PEX10: variants seen among roughly 807,000 people sequenced by gnomAD.
The protein encoded by PEX10 is peroxisome biogenesis factor 10.
In PEX10, 32 loss-of-function variants were observed where a neutral mutation model predicts 38.0. That is an observed-to-expected ratio of 0.84 (90% CI 0.63 to 1.13). The LOEUF (loss-of-function observed/expected upper bound fraction) is 1.13, where lower values mean the gene tolerates loss of function less well. PEX10 is among the 50% of genes most tolerant of loss of function. The pLI, the probability that PEX10 is intolerant of heterozygous loss-of-function variation, is 0.00. For synonymous variants in PEX10, 206 were observed against 207.3 expected (o/e 0.99, Z 0.05); for missense variants, 483 against 457.7 (o/e 1.06, Z -0.51).
At position 2,408,577 on chromosome 1, in the gene PEX10, C is replaced by G. The variant is rs1410364443; in HGVS notation, c.475G>C (p.Ala159Pro). 5 of 1,611,946 alleles carry G rather than the reference C, an allele frequency of 3.1e-6. No individual in the cohort carries two copies. The highest frequency in any genetic ancestry group is 4.2e-6 in the Non-Finnish European group (5 of 1,179,962). The change falls in exon 3 of 6, where the codon GCG becomes CCG. Residue 159 changes from alanine to proline, a missense_variant. Coordinates refer to ENST00000447513, the MANE Select transcript of PEX10 (RefSeq NM_002617.4). Reference protein sequence around the residue: ...TATLTEQQRRALLRAVFVLRQ... With the variant: ...TATLTEQQRRPLLRAVFVLRQ... The stretch of plus-strand genomic sequence containing the variant: ...AGGACGAAGACCGCCCGCAGCAGCG[C>G]CCTCCTCTGCTGCTCAGTCAGGGTG...
chr1:2,409,443 T>G lies in PEX10; in HGVS notation c.194-585A>C, dbSNP rs1230831476. 6.6e-6 allele frequency among the ~76,000 whole-genome samples: 1 copy of G among 151,614 alleles called. No homozygotes were observed. The highest frequency in any genetic ancestry group is 1.5e-5 in the Non-Finnish European group (1 of 67,924). ...AACGCCAGGCCTCCGGTTCCTGAGG[T>G]CAAGCCCAAGGGGCACCCTGCATGC... On this transcript the variant is annotated intron_variant, in intron 2 of 5. Coordinates refer to ENST00000447513, the MANE Select transcript of PEX10 (RefSeq NM_002617.4). This position sits in a 1 kb window ranked among gnomAD's most constrained non-coding sequence, Gnocchi z 6.2.
intron 5 of PEX10, 121 bp downstream of exon 5, chr1:2,406,363 C>A (rs867980042): frequency 7.3e-7 from 1 of 1,362,450 alleles, no homozygotes; most frequent in Non-Finnish European, 1.0e-6. Flanking sequence ...AAGATGCCCA[C>A]CTCTGTACCC....
intron 3 of PEX10, among the ~76,000 whole-genome samples, chr1:2,407,619 G>A (rs1384745528): frequency 6.6e-6 from 1 of 152,206 alleles, no homozygotes; most frequent in Non-Finnish European, 1.5e-5. Context: ...GACGGGGCAA[G>A]AAACCACATC....
Position 2,405,606 on chromosome 1 carries a change from A to C in PEX10, c.*160T>G, listed in dbSNP as rs1312684856. Reference sequence around the variant, plus strand: ...GGGCTGAGAAAGCGCAGCCAGGGACAGCTTTCTGTTCTCTCCCAGGGTGGC... The same window carrying C: ...GGGCTGAGAAAGCGCAGCCAGGGACCGCTTTCTGTTCTCTCCCAGGGTGGC... On this transcript the variant is annotated 3_prime_UTR_variant, in exon 6 of 6. Coordinates refer to ENST00000447513, the MANE Select transcript of PEX10 (RefSeq NM_002617.4). 1.3e-6 allele frequency: 1 copy of C among 750,386 alleles called. No individual in the cohort carries two copies. Among genetic ancestry groups the C allele is most frequent in the Non-Finnish European group, 2.3e-6 (1 of 429,600 alleles). 46.5% of individuals were successfully genotyped at this position (750,386 alleles called of 1,614,324 possible). A position where few individuals can be genotyped will look rare whatever the true frequency, so the allele number is the denominator to read the frequency against.
At position 2,405,837 on chromosome 1, in the gene PEX10, G is replaced by A. The variant is rs777570617; in HGVS notation, c.913-3C>T. Reference sequence around the variant, plus strand: ...TCCCGGCAGAGGGGACACTCCGCCTGCGGAGAGGAGAAAGGGGGTCACAGC... The same window carrying A: ...TCCCGGCAGAGGGGACACTCCGCCTACGGAGAGGAGAAAGGGGGTCACAGC... On this transcript the variant is annotated splice_polypyrimidine_tract_variant and splice_region_variant and intron_variant, in intron 5 of 5. Coordinates refer to ENST00000447513, the MANE Select transcript of PEX10 (RefSeq NM_002617.4). The A allele has an allele frequency of 6.3e-6, 10 of 1,589,264 alleles. No homozygotes were observed. Among genetic ancestry groups the A allele is most frequent in the Middle Eastern group, 1.7e-4 (1 of 5,996 alleles).
At chr1:2,411,821 G>A (rs1350941145) in intron 1 of PEX10, among the ~76,000 whole-genome samples, 1 of 152,216 alleles carries the variant, frequency 6.6e-6, no homozygotes, top group Non-Finnish European at 1.5e-5. Flanking sequence ...GACAGGTGCT[G>A]CTTCATTGAG....
upstream of PEX10, chr1:2,412,584 T>A (rs987056109): frequency 9.2e-7 from 1 of 1,082,420 alleles, no homozygotes. Flanking sequence ...CGGCACGACG[T>A]GGCTCTGCGT....
intron 1 of PEX10, among the ~76,000 whole-genome samples, chr1:2,412,158 C>A (rs1209325401): frequency 6.6e-6 from 1 of 152,256 alleles, no homozygotes; most frequent in African/African-American, 2.4e-5. Context: ...GAGGCCCACG[C>A]AGGTCCCCCG....
At chr1:2,411,963 C>T (rs1317939749) in intron 1 of PEX10, among the ~76,000 whole-genome samples, 1 of 152,238 alleles carries the variant, frequency 6.6e-6, no homozygotes, top group Non-Finnish European at 1.5e-5. Context: ...CAGTGTGAAC[C>T]GGACCGAGGT....
chr1:2,406,427 G>C lies in PEX10; in HGVS notation c.912+57C>G, dbSNP rs549332290. On this transcript the variant is annotated intron_variant, in intron 5 of 5. Transcript: ENST00000447513. ...CTCCCCACTTCTGCTGCAGCCAGGTGCATCTTGCCGGCACAGCCGCTGACC... is the reference window on the plus strand; with the variant it reads ...CTCCCCACTTCTGCTGCAGCCAGGTCCATCTTGCCGGCACAGCCGCTGACC... 49 of 1,599,738 alleles carry C rather than the reference G, an allele frequency of 3.1e-5. No individual in the cohort carries two copies. The African/African-American group carries it at 6.4e-4, about 21-fold the overall frequency.
chr1:2,408,386 C>T (rs1643076756), intron 3 of PEX10, 66 bp downstream of exon 3: 1 of 1,565,146 alleles, frequency 6.4e-7, no homozygotes, highest in African/African-American at 1.4e-5. Context: ...TCTGTGCATG[C>T]ACCCAAGTCC....
In PEX10 at chr1:2,405,756, G is replaced by C; in HGVS notation, c.*10C>G. 1 of 1,595,940 alleles carries C rather than the reference G, an allele frequency of 6.3e-7. No homozygotes were observed. Among genetic ancestry groups the C allele is most frequent in the Non-Finnish European group, 8.5e-7 (1 of 1,171,830 alleles). The stretch of plus-strand genomic sequence containing the variant: ...AGGTCATCTGTGTCCAGGCCCACCC[G>C]GGCGCCGGCTCAGCGGTAGTGCCGA... On this transcript the variant is annotated 3_prime_UTR_variant, in exon 6 of 6. Transcript: ENST00000447513.
At chr1:2,406,284 A>G (rs1642999573) in intron 5 of PEX10, among the ~76,000 whole-genome samples, 200 bp downstream of exon 5, 1 of 152,164 alleles carries the variant, frequency 6.6e-6, no homozygotes, top group South Asian at 2.1e-4. Flanking sequence ...GCAAAGCCTC[A>G]ATACACGTGA....
chr1:2,406,399 A>G, intron 5 of PEX10, 85 bp downstream of exon 5: 1 of 1,564,960 alleles, frequency 6.4e-7, no homozygotes. Flanking sequence ...GCTCAGAGCC[A>G]GACTCCCCAC....
chr1:2,412,762 G>A (rs1046183720), upstream of PEX10, among the ~76,000 whole-genome samples: 28 of 151,964 alleles, frequency 1.8e-4, no homozygotes, highest in East Asian at 5.0e-3. Flanking sequence ...GGCGGGGCCC[G>A]CGAGCCGAGG....
chr1:2,412,577 C>G (rs1188865132), upstream of PEX10: 1 of 1,125,804 alleles, frequency 8.9e-7, no homozygotes, highest in Middle Eastern at 3.2e-4. Context: ...CTGATGACGG[C>G]ACGACGTGGC....
At position 2,409,213 on chromosome 1, in the gene PEX10, T is replaced by C. The variant is rs1643109483; in HGVS notation, c.194-355A>G. On this transcript the variant is annotated intron_variant, in intron 2 of 5. Coordinates refer to ENST00000447513, the MANE Select transcript of PEX10 (RefSeq NM_002617.4). The surrounding 1 kb of genome is among the most constrained non-coding windows in gnomAD (Gnocchi z 6.2). ...GCCCAAGCACTCGGATCCAGTCCCA[T>C]GGCTCTCCACCAACCACACAGCTGG... 6.6e-6 allele frequency among the ~76,000 whole-genome samples: 1 copy of C among 151,792 alleles called. No homozygotes were observed. The highest frequency in any genetic ancestry group is 2.0e-4 in the East Asian group (1 of 5,128).
At chr1:2,413,010 G>T (rs115904429), upstream of PEX10, among the ~76,000 whole-genome samples, 581 of 152,336 alleles carry the variant, frequency 3.8e-3, 3 homozygotes, top group African/African-American at 0.013. Context: ...TCCCAGCGCC[G>T]GCCGCGGCGG....
intron 3 of PEX10, among the ~76,000 whole-genome samples, chr1:2,407,780 A>C (rs1302264568): frequency 2.0e-5 from 3 of 152,136 alleles, no homozygotes; most frequent in African/African-American, 4.8e-5. Context: ...TCTAGGGACA[A>C]AAGGAAGGGG....
Sources: allele counts gnomAD v4.1 joint callset (sites outside exome capture counted in the v4.1 genomes callset), GRCh38; gene constraint gnomAD v4.1.1; non-coding constraint Gnocchi (gnomAD v3.1); transcripts MANE v1.5; gene names NCBI Gene and HGNC (gene_info 2026-07-23, HGNC 2026-07-21).